ESPL1: variants seen among roughly 807,000 people sequenced by gnomAD.
ESPL1 encodes the protein extra spindle pole bodies like 1, separase.
ESPL1 carries 50 observed loss-of-function variants against 217.2 expected under a neutral mutation model. That is an observed-to-expected ratio of 0.23 (90% CI 0.18 to 0.29). ESPL1 has a LOEUF of 0.29. Among genes scored for constraint, ESPL1 ranks in the 10% least tolerant of loss-of-function variants. ESPL1 has a pLI of 1.00. For missense variants in ESPL1, 1,834 were observed against 2,603.0 expected, an observed-to-expected ratio of 0.70 and a Z score of 6.43; for synonymous variants, 994 against 1,081.3, an observed-to-expected ratio of 0.92 and a Z score of 1.58.
chr12:53,277,669 A>T, intron 10 of ESPL1, 61 bp downstream of exon 10: 2 of 1,593,936 alleles, frequency 1.3e-6, no homozygotes, highest in Non-Finnish European at 1.7e-6. Context: ...TGGAACAGGG[A>T]CCCCTGGTGA....
chr12:53,270,939 TA>T, intron 5 of ESPL1, 141 bp downstream of exon 5: 1 of 827,060 alleles, frequency 1.2e-6, no homozygotes, highest in South Asian at 1.8e-5. Context: ...TGTTTATAAG[TA>T]CCAGCTACTC....
chr12:53,282,675 C>T lies in ESPL1; in HGVS notation c.2791+240C>T, dbSNP rs902188219. ...TTTTTCTTTTCTTTTTTTTCTAAGA[C>T]GGAGTTTCGCTGTTGTCACCCAGGC... On this transcript the variant is annotated intron_variant, in intron 14 of 30. Transcript: ENST00000257934. The surrounding 1 kb of genome is among the most constrained non-coding windows in gnomAD (Gnocchi z 4.0). 1.2e-4 allele frequency among the ~76,000 whole-genome samples: 18 copies of T among 152,096 alleles called. No individual in the cohort carries two copies. Among genetic ancestry groups the T allele is most frequent in the East Asian group, 1.2e-3 (6 of 5,186 alleles).
At chr12:53,271,104 T>TC (rs1164053995) in intron 5 of ESPL1, among the ~76,000 whole-genome samples, 1 of 151,340 alleles carries the variant, frequency 6.6e-6, no homozygotes, top group East Asian at 1.9e-4. Context: ...TTTTAATGTT[T>TC]TTTTTTCCTT....
chr12:53,275,305 A>G (rs1293377457), intron 7 of ESPL1, among the ~76,000 whole-genome samples: 1 of 152,194 alleles, frequency 6.6e-6, no homozygotes, highest in Non-Finnish European at 1.5e-5. Context: ...TACTAAAAAT[A>G]CAAAAATTAG....
At chr12:53,275,121 G>GA in intron 7 of ESPL1, 111 bp downstream of exon 7, 1 of 792,962 alleles carries the variant, frequency 1.3e-6, no homozygotes, top group Non-Finnish European at 1.9e-6. Context: ...CCAACATGGT[G>GA]AAACCCCGTC....
intron 22 of ESPL1, 162 bp from the exon 23 acceptor site, chr12:53,289,921 CTG>C (rs1367854281): frequency 1.7e-5 from 12 of 694,874 alleles, no homozygotes; most frequent in South Asian, 1.7e-4. Flanking sequence ...GTCATGGTCT[CTG>C]TGCACAGGGA....
chr12:53,270,886 C>T, intron 5 of ESPL1, 88 bp downstream of exon 5: 1 of 1,450,064 alleles, frequency 6.9e-7, no homozygotes, highest in South Asian at 1.2e-5. Context: ...TGGTTCTGAC[C>T]ACTGTGAGGG....
At chr12:53,272,086 CAAA>C (rs33920201) in intron 5 of ESPL1, among the ~76,000 whole-genome samples, 242 of 137,076 alleles carry the variant, frequency 1.8e-3, no homozygotes, top group Admixed American at 3.0e-3. Flanking sequence ...GACTCTGTCT[CAAA>C]AAAAAAAAAA....
chr12:53,270,074 C>T lies in ESPL1; in HGVS notation c.1132C>T (p.Arg378Trp), dbSNP rs1233498541. Residue 378 changes from arginine (R) to tryptophan (W), a missense_variant, in exon 3 of 31, where the codon CGG (arginine) becomes TGG (tryptophan). Arg to Trp is a moderately radical substitution (Grantham distance 101). Transcript: ENST00000257934. ...GTACTGCTCTCTTCTGCAGCAGCTG[C>T]GGGATGATGGTGTGAGTTAAGGACC... is the stretch of plus-strand genomic sequence containing the variant. The part of the protein sequence containing the change: ...GGYCSLLQQL[R>W]DDGVYGGSSK... 4 of 1,607,034 alleles carry T rather than the reference C, an allele frequency of 2.5e-6. No homozygotes were observed. The highest frequency in any genetic ancestry group is 3.4e-6 in the Non-Finnish European group (4 of 1,176,476).
rs1430298210 is a variant in ESPL1, at chr12:53,292,293, G to A, written c.5812G>A (p.Val1938Met). 4 of 1,613,382 alleles carry A rather than the reference G, an allele frequency of 2.5e-6. No individual in the cohort carries two copies. The highest frequency in any genetic ancestry group is 2.5e-6 in the Non-Finnish European group (3 of 1,179,292). Residue 1938 changes from valine to methionine, a missense_variant, in exon 28 of 31, where the codon GTG becomes ATG. This residue lies in a region of ESPL1 where 295 missense variants were observed against 519.8 expected (regional missense o/e 0.57). Coordinates refer to ENST00000257934, the MANE Select transcript of ESPL1 (RefSeq NM_012291.5). The surrounding 1 kb of genome is among the most constrained non-coding windows in gnomAD (Gnocchi z 4.5). Reference sequence around the variant, plus strand: ...TCCTCCTCAGTATGGGGCCTCGCCAGTGCTGAGTCAAGGGGTGGATCCACG... The same window carrying A: ...TCCTCCTCAGTATGGGGCCTCGCCAATGCTGAGTCAAGGGGTGGATCCACG... ...SIIKEYGASP[V>M]LSQGVDPRST...
At chr12:53,277,307 C>G in intron 9 of ESPL1, 80 bp downstream of exon 9, 2 of 1,525,280 alleles carry the variant, frequency 1.3e-6, no homozygotes, top group South Asian at 2.5e-5. Context: ...TTGGTATCAG[C>G]CCTTTTTTTT....
Position 53,282,500 on chromosome 12 carries a change from C to T in ESPL1, c.2791+65C>T. 3 of 1,457,298 alleles carry T rather than the reference C, an allele frequency of 2.1e-6. No homozygotes were observed. Among genetic ancestry groups the T allele is most frequent in the Non-Finnish European group, 2.9e-6 (3 of 1,051,690 alleles). 90.3% of individuals were successfully genotyped at this position (1,457,298 alleles called of 1,614,324 possible). A position where few individuals can be genotyped will look rare whatever the true frequency, so the allele number is the denominator to read the frequency against. ...TATGGTCTGTCTGCTGTCAGCTCTT[C>T]TCAAACCTCATCCCCTCTGCTGGCT... On this transcript the variant is annotated intron_variant, in intron 14 of 30. Coordinates refer to ENST00000257934, the MANE Select transcript of ESPL1 (RefSeq NM_012291.5). This position sits in a 1 kb window ranked among gnomAD's most constrained non-coding sequence, Gnocchi z 4.0.
Position 53,274,878 on chromosome 12 carries a change from G to C in ESPL1, c.1568G>C (p.Gly523Ala), listed in dbSNP as rs984154992. The change falls in exon 7 of 31, where the codon GGC becomes GCC. Residue 523 changes from glycine to alanine, a missense_variant. Gly to Ala is a moderately conservative substitution (Grantham distance 60). Coordinates refer to ENST00000257934, the MANE Select transcript of ESPL1 (RefSeq NM_012291.5). ...SLKKLGKQAQ[G>A]CKMVILWLAA... is the part of the protein sequence containing the mutation. ...AAGAAACTGGGTAAACAGGCCCAGG[G>C]CTGCAAGATGGTGATTTTGTGGCTG... 1.2e-6 allele frequency: 2 copies of C among 1,614,090 alleles called. No individual in the cohort carries two copies. The highest frequency in any genetic ancestry group is 4.5e-5 in the East Asian group (2 of 44,880).
intron 12 of ESPL1, 60 bp downstream of exon 12, chr12:53,279,926 C>T (rs1592486315): frequency 2.7e-6 from 4 of 1,483,610 alleles, no homozygotes; most frequent in South Asian, 1.4e-5. Context: ...TAGAGGCCCA[C>T]CTCTGAGAAG....
chr12:53,276,994 G>A (rs934122165), intron 8 of ESPL1, 89 bp from the exon 9 acceptor site: 26 of 1,564,482 alleles, frequency 1.7e-5, no homozygotes, highest in East Asian at 2.3e-5. Context: ...TGCAAAGGGC[G>A]AGGCCAGCTG....
Position 53,286,050 on chromosome 12 carries a change from C to T in ESPL1, c.3314C>T (p.Ala1105Val). Residue 1105 changes from alanine to valine, a missense_variant, in exon 18 of 31, where the codon GCT becomes GTT. Transcript: ENST00000257934. The surrounding 1 kb of genome is among the most constrained non-coding windows in gnomAD (Gnocchi z 5.3). The part of the protein sequence containing the change: ...PEEELFLRGP[A>V]LELVATVAKE... ...GAGGAGCTCTTCCTAAGAGGCCCTGCTCTAGAGCTGGTGGCCACTGTGGCC... is the reference window on the plus strand; with the variant it reads ...GAGGAGCTCTTCCTAAGAGGCCCTGTTCTAGAGCTGGTGGCCACTGTGGCC... The T allele has an allele frequency of 6.2e-7, 1 of 1,610,990 alleles. No homozygotes were observed. Among genetic ancestry groups the T allele is most frequent in the South Asian group, 1.1e-5 (1 of 91,024 alleles).
intron 3 of ESPL1, 120 bp from the exon 4 acceptor site, chr12:53,270,258 C>A: frequency 1.1e-6 from 1 of 950,674 alleles, no homozygotes; most frequent in Non-Finnish European, 1.7e-6. Context: ...AGTGGCCCTT[C>A]TGGATGTCCT....
rs552549268 is a variant in ESPL1, at chr12:53,288,009, T to C, written c.4214T>C (p.Val1405Ala). 1.2e-6 allele frequency: 2 copies of C among 1,611,972 alleles called. No individual in the cohort carries two copies. The highest frequency in any genetic ancestry group is 2.2e-5 in the East Asian group (1 of 44,864). ...FSDDSDLEDPVSAEAWLAEEP... is the reference protein window; with the variant it reads ...FSDDSDLEDPASAEAWLAEEP... ...GATGACAGTGACTTGGAAGACCCTG[T>C]CTCAGCTGAGGCCTGGCTGGCAGAG... is the stretch of plus-strand genomic sequence containing the variant. Residue 1405 changes from valine (V) to alanine (A), a missense_variant, in exon 19 of 31, where the codon GTC becomes GCC. Around this residue, in one of 5 missense-constraint regions of ESPL1, gnomAD observed 681 missense variants for 808.0 expected, o/e 0.84. Transcript: ENST00000257934.
rs368845184 is a variant in ESPL1, at chr12:53,282,221, C to A, written c.2620-43C>A. The stretch of plus-strand genomic sequence containing the variant: ...CCAGGGCCTCTCAAGCTCTGGAGTG[C>A]CTGACTGCCTTACTGCCTCCTCTGG... On this transcript the variant is annotated intron_variant, in intron 13 of 30. Transcript: ENST00000257934. The surrounding 1 kb of genome is among the most constrained non-coding windows in gnomAD (Gnocchi z 4.0). 5.6e-5 allele frequency: 89 copies of A among 1,584,558 alleles called. No homozygotes were observed. The African/African-American group carries it at 1.2e-3, about 21-fold the overall frequency.
Sources: allele counts gnomAD v4.1 joint callset (sites outside exome capture counted in the v4.1 genomes callset), GRCh38; gene constraint gnomAD v4.1.1; regional missense constraint gnomAD v4.1.1; non-coding constraint Gnocchi (gnomAD v3.1); transcripts MANE v1.5; gene names NCBI Gene and HGNC (gene_info 2026-07-23, HGNC 2026-07-21).